The following ZBTB46 variants were observed in gnomAD, a reference collection of about 807,000 sequenced individuals.
ZBTB46 encodes zinc finger and BTB domain containing 46.
A neutral mutation model predicts 44.1 loss-of-function variants in ZBTB46; 8 were observed. That is an observed-to-expected ratio of 0.18 (90% CI 0.11 to 0.33). ZBTB46 has a LOEUF of 0.33. Ranked by LOEUF, ZBTB46 falls within the 10% of genes least tolerant of loss-of-function variation. The pLI, the probability that ZBTB46 is intolerant of heterozygous loss-of-function variation, is 1.00. For synonymous variants in ZBTB46, 409 were observed against 382.3 expected (o/e 1.07, Z -0.81); for missense variants, 651 against 847.7 (o/e 0.77, Z 2.88).
At chr20:63,794,548 C>T (rs537765599) in intron 1 of ZBTB46, among the ~76,000 whole-genome samples, 4 of 152,324 alleles carry the variant, frequency 2.6e-5, no homozygotes, top group African/African-American at 7.2e-5. Flanking sequence ...TAAGAATACA[C>T]ATAATCTCTC....
rs1404147626 is a variant in ZBTB46 at position 63,744,780 on chromosome 20, CG to C, written c.*2149del. ...GAAGAAAATGCCCCTGTAGCTCCGG[CG>C]GGGAACCCCAAAACGGTCAGCAAAG... is the stretch of plus-strand genomic sequence containing the variant. On this transcript the variant is annotated 3_prime_UTR_variant, in exon 5 of 5. Transcript: ENST00000245663. The C allele has an allele frequency of 6.6e-6, 1 of 152,302 alleles. No individual in the cohort carries two copies. Among genetic ancestry groups the C allele is most frequent in the Non-Finnish European group, 1.5e-5 (1 of 68,064 alleles). The allele number at this position is 152,302 out of a possible 1,614,324, so 9.4% of individuals were successfully genotyped here. A position where few individuals can be genotyped will look rare whatever the true frequency, so the allele number is the denominator to read the frequency against.
intron 2 of ZBTB46, among the ~76,000 whole-genome samples, chr20:63,778,994 G>C (rs2092446996): frequency 6.6e-6 from 1 of 152,158 alleles, no homozygotes; most frequent in South Asian, 2.1e-4. Context: ...GATGGCGGCA[G>C]GTGAGCCCTG....
chr20:63,790,239 C>T lies in ZBTB46; in HGVS notation c.519G>A (p.Arg173=). The change falls in exon 2 of 5, where the codon CGG becomes CGA. Residue 173 remains arginine, a synonymous_variant. Coordinates refer to ENST00000245663, the MANE Select transcript of ZBTB46 (RefSeq NM_001369741.1). Reference sequence around the variant, plus strand: ...CGGAAGAATTGGCAGGACTCGTTCGCCGTGCCAGCCACGGGGAGATGCTCC... The same window carrying T: ...CGGAAGAATTGGCAGGACTCGTTCGTCGTGCCAGCCACGGGGAGATGCTCC... ...AGRSISPWLA[R]RTSPANSSGD... 1 of 1,611,190 alleles carries T rather than the reference C, an allele frequency of 6.2e-7. No individual in the cohort carries two copies. The highest frequency in any genetic ancestry group is 8.5e-7 in the Non-Finnish European group (1 of 1,179,040).
intron 2 of ZBTB46, among the ~76,000 whole-genome samples, chr20:63,783,309 G>T (rs2092485755): frequency 6.6e-6 from 1 of 152,108 alleles, no homozygotes. Context: ...CGTGCCTGTA[G>T]TCCCAGCTAC....
At position 63,767,908 on chromosome 20, in the gene ZBTB46, A is replaced by G; in HGVS notation, c.1222+7770T>C. 2 of 984,970 alleles carry G rather than the reference A, an allele frequency of 2.0e-6. No individual in the cohort carries two copies. Among genetic ancestry groups the G allele is most frequent in the Non-Finnish European group, 2.4e-6 (2 of 829,838 alleles). The allele number at this position is 984,970 out of a possible 1,614,324, so 61.0% of individuals were successfully genotyped here. ...CAGGCCACAGGCCCTGCAGAAACCCACCCTCATGCCAGCGGGAGCCAACTC... is the reference window on the plus strand; with the variant it reads ...CAGGCCACAGGCCCTGCAGAAACCCGCCCTCATGCCAGCGGGAGCCAACTC... On this transcript the variant is annotated intron_variant, in intron 3 of 4. Transcript: ENST00000245663. The surrounding 1 kb of genome is among the most constrained non-coding windows in gnomAD (Gnocchi z 5.0).
chr20:63,784,076 G>T (rs1369524805), intron 2 of ZBTB46, among the ~76,000 whole-genome samples: 1 of 152,212 alleles, frequency 6.6e-6, no homozygotes, highest in Non-Finnish European at 1.5e-5. Context: ...CGTGGTGGGG[G>T]TCCTCCTCCC....
At chr20:63,833,192 G>A (rs1165644697), upstream of ZBTB46, among the ~76,000 whole-genome samples, 2 of 152,208 alleles carry the variant, frequency 1.3e-5, no homozygotes, top group Admixed American at 6.5e-5. Flanking sequence ...AACACACAGT[G>A]GCACTCAGTC....
rs954785130 is a variant in ZBTB46, at chr20:63,752,585, C to T, written c.1398+101G>A. On this transcript the variant is annotated intron_variant, in intron 4 of 4. Transcript: ENST00000245663. This position sits in a 1 kb window ranked among gnomAD's most constrained non-coding sequence, Gnocchi z 5.6. The stretch of plus-strand genomic sequence containing the variant: ...TCGTCCCCCCTGTGCAGAGTGGACC[C>T]GGTGTGGGGTCCGGGGCGGTCTGCG... 4 of 1,350,516 alleles carry T rather than the reference C, an allele frequency of 3.0e-6. No homozygotes were observed. Among genetic ancestry groups the T allele is most frequent in the Non-Finnish European group, 3.9e-6 (4 of 1,036,332 alleles). The allele number at this position is 1,350,516 out of a possible 1,614,324, so 83.7% of individuals were successfully genotyped here.
At chr20:63,792,136 A>C (rs2092566219) in intron 1 of ZBTB46, among the ~76,000 whole-genome samples, 1 of 151,972 alleles carries the variant, frequency 6.6e-6, no homozygotes, top group African/African-American at 2.4e-5. Flanking sequence ...CCTCATCTTA[A>C]TTAATCATAT....
At position 63,788,979 on chromosome 20, in the gene ZBTB46, G is replaced by C. The variant is rs138142756; in HGVS notation, c.937+842C>G. ...GCCTCCCAAGTAGCTGGGATTACAG[G>C]CTACTTTTCTGTATTTTTAGTAGAG... is the stretch of plus-strand genomic sequence containing the variant. On this transcript the variant is annotated intron_variant, in intron 2 of 4. Coordinates refer to ENST00000245663, the MANE Select transcript of ZBTB46 (RefSeq NM_001369741.1). 4.1e-3 allele frequency among the ~76,000 whole-genome samples: 616 copies of C among 151,262 alleles called. 4 individuals carry two copies. Among genetic ancestry groups the C allele is most frequent in the African/African-American group, 0.014 (590 of 41,270 alleles).
At chr20:63,804,432 A>G (rs962811952) in intron 1 of ZBTB46, among the ~76,000 whole-genome samples, 3 of 152,074 alleles carry the variant, frequency 2.0e-5, no homozygotes, top group Non-Finnish European at 4.4e-5. Context: ...CCTCTCAGCC[A>G]ATGGACACAG....
At chr20:63,806,407 C>CAAAAAAA (rs58233169) in intron 1 of ZBTB46, among the ~76,000 whole-genome samples, 1 of 91,458 alleles carries the variant, frequency 1.1e-5, no homozygotes, top group Non-Finnish European at 2.3e-5. Flanking sequence ...AACTCCATCT[C>CAAAAAAA]AAAAAAAAAA....
chr20:63,761,321 T>G (rs1406916464), intron 3 of ZBTB46, among the ~76,000 whole-genome samples: 2 of 152,030 alleles, frequency 1.3e-5, no homozygotes, highest in Non-Finnish European at 2.9e-5. Context: ...TTTATTTCCC[T>G]TCTGTTACTT....
At chr20:63,782,640 C>A (rs6011111) in intron 2 of ZBTB46, among the ~76,000 whole-genome samples, 35,432 of 152,110 alleles carry the variant, frequency 0.23, 4,198 homozygotes, top group Middle Eastern at 0.36. Flanking sequence ...CAAACGCCCA[C>A]ATCCAGACAA....
intron 2 of ZBTB46, 72 bp downstream of exon 2, chr20:63,789,749 C>A: frequency 6.5e-7 from 1 of 1,534,902 alleles, no homozygotes; most frequent in Non-Finnish European, 8.7e-7. Flanking sequence ...GTCACTGCCT[C>A]CGCACAGCAC....
chr20:63,831,887 C>T (rs2092854231), upstream of ZBTB46, among the ~76,000 whole-genome samples: 2 of 151,920 alleles, frequency 1.3e-5, no homozygotes, highest in South Asian at 2.1e-4. Context: ...GGAAAAGGCG[C>T]CCCCAAGGAA....
intron 1 of ZBTB46, among the ~76,000 whole-genome samples, chr20:63,828,498 A>T (rs957161478): frequency 1.8e-4 from 27 of 149,666 alleles, no homozygotes; most frequent in Non-Finnish European, 3.3e-4. Context: ...TTCAAAGGGT[A>T]TTTTTTTTTT....
At chr20:63,792,498 T>C (rs2092569415) in intron 1 of ZBTB46, among the ~76,000 whole-genome samples, 1 of 152,016 alleles carries the variant, frequency 6.6e-6, no homozygotes, top group Admixed American at 6.5e-5. Flanking sequence ...CACCTTCACT[T>C]AGTCATGACA....
chr20:63,787,231 G>A lies in ZBTB46; in HGVS notation c.937+2590C>T, dbSNP rs1209683024. Among the ~76,000 whole-genome samples, 1 of 152,138 alleles carries A rather than the reference G, an allele frequency of 6.6e-6. No homozygotes were observed. Among genetic ancestry groups the A allele is most frequent in the Non-Finnish European group, 1.5e-5 (1 of 68,028 alleles). The stretch of plus-strand genomic sequence containing the variant: ...GGTCCCGTAGATTAGAACGCAGCCG[G>A]GAAATTCCTGTCACCTGGTGGCGTG... On this transcript the variant is annotated intron_variant, in intron 2 of 4. Coordinates refer to ENST00000245663, the MANE Select transcript of ZBTB46 (RefSeq NM_001369741.1). The surrounding 1 kb of genome is among the most constrained non-coding windows in gnomAD (Gnocchi z 4.6).
Sources: allele counts gnomAD v4.1 joint callset (sites outside exome capture counted in the v4.1 genomes callset), GRCh38; gene constraint gnomAD v4.1.1; non-coding constraint Gnocchi (gnomAD v3.1); transcripts MANE v1.5; gene names NCBI Gene and HGNC (gene_info 2026-07-23, HGNC 2026-07-21).